Variants in EIF5B observed in about 807,000 individuals in gnomAD.
The protein encoded by EIF5B is eukaryotic translation initiation factor 5B.
Under a neutral mutation model 147.5 loss-of-function variants are expected in EIF5B, and 47 were observed. That is an observed-to-expected ratio of 0.32 (90% CI 0.25 to 0.41). EIF5B has a LOEUF of 0.41. Ranked by LOEUF, EIF5B falls within the 10% of genes least tolerant of loss-of-function variation. EIF5B has a pLI of 1.00. For synonymous variants in EIF5B, 455 were observed against 456.2 expected, an observed-to-expected ratio of 1.00 and a Z score of 0.03; for missense variants, 1,064 against 1,413.2, an observed-to-expected ratio of 0.75 and a Z score of 3.96.
intron 1 of EIF5B, among the ~76,000 whole-genome samples, chr2:99,347,268 A>G (rs562300748): frequency 3.3e-5 from 5 of 152,314 alleles, no homozygotes; most frequent in African/African-American, 1.2e-4. Context: ...TGGCCTCCCA[A>G]AGTGTTGGGA....
chr2:99,390,854 CAGGA>C, intron 17 of EIF5B, 149 bp downstream of exon 17: 1 of 876,558 alleles, frequency 1.1e-6, no homozygotes, highest in Non-Finnish European at 1.7e-6. Flanking sequence ...TGTCATCATA[CAGGA>C]AGGCCTGTCT....
intron 14 of EIF5B, 183 bp from the exon 15 acceptor site, chr2:99,389,535 T>A: frequency 2.4e-6 from 1 of 410,058 alleles, no homozygotes; most frequent in Non-Finnish European, 4.2e-6. Flanking sequence ...CACAGCAGTT[T>A]CTAATTTAAG....
chr2:99,382,682 C>A, intron 13 of EIF5B, 98 bp from the exon 14 acceptor site: 1 of 1,200,332 alleles, frequency 8.3e-7, no homozygotes, highest in Non-Finnish European at 1.1e-6. Flanking sequence ...AATACATATA[C>A]TCTATTTTGT....
chr2:99,339,335 G>A (rs914417880), intron 1 of EIF5B, among the ~76,000 whole-genome samples: 3 of 151,892 alleles, frequency 2.0e-5, no homozygotes, highest in African/African-American at 4.8e-5. Context: ...ATATTTTAAA[G>A]CAAATCTCAT....
At position 99,343,679 on chromosome 2, in the gene EIF5B, T is replaced by G. The variant is rs1574916619; in HGVS notation, c.35+6090T>G. Among the ~76,000 whole-genome samples, 6 of 151,792 alleles carry G rather than the reference T, an allele frequency of 4.0e-5. 1 individual carries two copies. The highest frequency in any genetic ancestry group is 3.9e-4 in the Admixed American group (6 of 15,272). On this transcript the variant is annotated intron_variant, in intron 1 of 23. Transcript: ENST00000289371. ...AAATACAAAAATTAGTCGGGTGTGGTAGCACGCGCCTGTAGTCCCAGCTAC... is the reference window on the plus strand; with the variant it reads ...AAATACAAAAATTAGTCGGGTGTGGGAGCACGCGCCTGTAGTCCCAGCTAC...
chr2:99,395,552 CTT>C (rs1675025653), intron 21 of EIF5B, among the ~76,000 whole-genome samples: 1 of 152,202 alleles, frequency 6.6e-6, no homozygotes, highest in Non-Finnish European at 1.5e-5. Context: ...CCAGGCTGGT[CTT>C]GAACTCCTGA....
Position 99,389,968 on chromosome 2 carries a change from T to C in EIF5B, c.2403+119T>C. The C allele has an allele frequency of 1.1e-5, 15 of 1,338,332 alleles. No individual in the cohort carries two copies. The South Asian group carries it at 1.9e-4, about 17-fold the overall frequency. 82.9% of individuals were successfully genotyped at this position (1,338,332 alleles called of 1,614,324 possible). A position where few individuals can be genotyped will look rare whatever the true frequency, so the allele number is the denominator to read the frequency against. ...CTTTTCCTCTGTTGACAGCAATTAC[T>C]TTTTTTAAATTCTTCTTCCCTTTTC... On this transcript the variant is annotated intron_variant, in intron 15 of 23. Coordinates refer to ENST00000289371, the MANE Select transcript of EIF5B (RefSeq NM_015904.4).
Position 99,369,383 on chromosome 2 carries a change from C to A in EIF5B, c.1388-9C>A, listed in dbSNP as rs758549416. The A allele has an allele frequency of 1.2e-6, 2 of 1,602,884 alleles. No individual in the cohort carries two copies. Among genetic ancestry groups the A allele is most frequent in the Admixed American group, 1.7e-5 (1 of 57,818 alleles). Reference sequence around the variant, plus strand: ...AAAAATATTATCTTGGTTTCTGCCCCTTTTTCAGTGTCTGAATCAATGGAA... The same window carrying A: ...AAAAATATTATCTTGGTTTCTGCCCATTTTTCAGTGTCTGAATCAATGGAA... On this transcript the variant is annotated splice_polypyrimidine_tract_variant and intron_variant, in intron 7 of 23. Coordinates refer to ENST00000289371, the MANE Select transcript of EIF5B (RefSeq NM_015904.4).
chr2:99,386,468 CGTGTGTGTGTGT>C (rs61494312), intron 14 of EIF5B, among the ~76,000 whole-genome samples: 77 of 142,346 alleles, frequency 5.4e-4, no homozygotes, highest in Middle Eastern at 3.7e-3. Flanking sequence ...TTTTGTTTTG[CGTGTGTGTGTGT>C]GTGTGTGTGT....
intron 12 of EIF5B, among the ~76,000 whole-genome samples, chr2:99,380,527 T>C (rs190822369): frequency 8.5e-5 from 13 of 152,350 alleles, no homozygotes; most frequent in South Asian, 2.1e-4. Flanking sequence ...CTGTCTGATA[T>C]AGCAGGATGT....
At chr2:99,377,623 A>G (rs1674590427) in intron 10 of EIF5B, among the ~76,000 whole-genome samples, 1 of 152,098 alleles carries the variant, frequency 6.6e-6, no homozygotes, top group Admixed American at 6.6e-5. Context: ...TTGCTGATTA[A>G]CAAACAAAAT....
chr2:99,361,469 T>G lies in EIF5B; in HGVS notation c.568T>G (p.Ser190Ala). 6.2e-7 allele frequency: 1 copy of G among 1,613,544 alleles called. No homozygotes were observed. Among genetic ancestry groups the G allele is most frequent in the Non-Finnish European group, 8.5e-7 (1 of 1,179,926 alleles). Reference protein sequence around the residue: ...INSSGESGDESDEFLQSRKGQ... With the variant: ...INSSGESGDEADEFLQSRKGQ... ...TTCTTCTGGTGAAAGTGGTGATGAATCAGATGAATTTTTGCAATCTAGAAA... is the reference window on the plus strand; with the variant it reads ...TTCTTCTGGTGAAAGTGGTGATGAAGCAGATGAATTTTTGCAATCTAGAAA... The change falls in exon 4 of 24, where the codon TCA becomes GCA. Residue 190 changes from serine (S) to alanine (A), a missense_variant. Physicochemically the swap from Ser to Ala is moderately conservative, Grantham distance 99 (BLOSUM62 1). Around this residue, in one of 4 missense-constraint regions of EIF5B, gnomAD observed 458 missense variants for 451.3 expected, o/e 1.01. Transcript: ENST00000289371.
intron 4 of EIF5B, among the ~76,000 whole-genome samples, chr2:99,363,173 T>C (rs1282501793): frequency 6.6e-6 from 1 of 152,170 alleles, no homozygotes; most frequent in Non-Finnish European, 1.5e-5. Context: ...TACCTATATT[T>C]TTGTATTTTA....
chr2:99,346,781 A>G (rs1340285772), intron 1 of EIF5B, among the ~76,000 whole-genome samples: 1 of 151,536 alleles, frequency 6.6e-6, no homozygotes, highest in African/African-American at 2.4e-5. Context: ...CGCGTTAGCC[A>G]GGATGGTCTC....
chr2:99,384,596 C>G (rs1262785843), intron 14 of EIF5B, among the ~76,000 whole-genome samples: 1 of 152,210 alleles, frequency 6.6e-6, no homozygotes, highest in Non-Finnish European at 1.5e-5. Context: ...ATTCACCCTT[C>G]TGGATGTTAT....
chr2:99,368,517 C>G lies in EIF5B; in HGVS notation c.1313C>G (p.Ser438Cys), dbSNP rs1345123554. ...AQGVEVPSKD[S>C]LPKKRPIYED... is the part of the protein sequence containing the mutation. ...GGTGTTGAAGTGCCATCAAAAGACT[C>G]TTTGCCAAAGAAGAGGCCAATTTAT... is the stretch of plus-strand genomic sequence containing the variant. Residue 438 changes from serine (S) to cysteine (C), a missense_variant, in exon 7 of 24, where the codon TCT becomes TGT. Around this residue, in one of 4 missense-constraint regions of EIF5B, gnomAD observed 31 missense variants for 60.1 expected, o/e 0.52. Transcript: ENST00000289371. 8 of 1,613,338 alleles carry G rather than the reference C, an allele frequency of 5.0e-6. No individual in the cohort carries two copies. Among genetic ancestry groups the G allele is most frequent in the Non-Finnish European group, 6.8e-6 (8 of 1,179,736 alleles).
At chr2:99,346,902 A>G (rs2094274639) in intron 1 of EIF5B, among the ~76,000 whole-genome samples, 1 of 151,852 alleles carries the variant, frequency 6.6e-6, no homozygotes. Context: ...GTTTATTGAG[A>G]ATGTGGATCT....
In EIF5B at chr2:99,373,707, T is replaced by C. The variant is rs182465839; in HGVS notation, c.1552+1977T>C. On this transcript the variant is annotated intron_variant, in intron 9 of 23. Transcript: ENST00000289371. The stretch of plus-strand genomic sequence containing the variant: ...TGTTCATTAAATGTAACATTTGGTG[T>C]AATTAATGAAGTATATTGATTTTAA... Among the ~76,000 whole-genome samples the C allele has an allele frequency of 5.7e-4, 87 of 152,356 alleles. 1 individual carries two copies. Among genetic ancestry groups the C allele is most frequent in the Admixed American group, 5.6e-3 (85 of 15,302 alleles).
intron 21 of EIF5B, among the ~76,000 whole-genome samples, chr2:99,395,590 C>T (rs1468869696): frequency 3.3e-5 from 5 of 152,222 alleles, no homozygotes; most frequent in Non-Finnish European, 1.5e-5. Flanking sequence ...CTGCCTCTGC[C>T]TCCCAAAGTG....
Sources: gnomAD v4.1 joint callset for allele counts (sites outside exome capture counted in the v4.1 genomes callset) on GRCh38, gnomAD v4.1.1 for gene constraint, gnomAD v4.1.1 regional missense constraint, MANE v1.5 for transcripts, NCBI Gene and HGNC (gene_info 2026-07-23, HGNC 2026-07-21) for gene names.